Variants in PRTG observed in about 807,000 individuals in gnomAD.
The protein encoded by PRTG is protogenin, also known as immunoglobulin superfamily, DCC subclass, member 5.
Under a neutral mutation model 122.5 loss-of-function variants are expected in PRTG, and 67 were observed. That is an observed-to-expected ratio of 0.55 (90% CI 0.45 to 0.67). The LOEUF (loss-of-function observed/expected upper bound fraction) is 0.67, where lower values mean the gene tolerates loss of function less well. Among genes scored for constraint, PRTG ranks in the 30% least tolerant of loss-of-function variants. PRTG has a pLI of 0.00. For synonymous variants in PRTG, 554 were observed against 501.1 expected, an observed-to-expected ratio of 1.11 and a Z score of -1.41; for missense variants, 1,435 against 1,415.4, an observed-to-expected ratio of 1.01 and a Z score of -0.22.
rs1316059824 is a variant in PRTG, at chr15:55,614,600, A to C, written c.*5412T>G. On this transcript the variant is annotated 3_prime_UTR_variant, in exon 20 of 20. Coordinates refer to ENST00000389286, the MANE Select transcript of PRTG (RefSeq NM_173814.6). ...AGTTTTCAATTCTTTTTCTGAATAA[A>C]TTCCATAAAGTTAGACGCAAATATT... 2 of 152,136 alleles carry C rather than the reference A, an allele frequency of 1.3e-5. No individual in the cohort carries two copies. The highest frequency in any genetic ancestry group is 6.6e-5 in the Admixed American group (1 of 15,266). 9.4% of individuals were successfully genotyped at this position (152,136 alleles called of 1,614,324 possible).
chr15:55,644,364 T>TA (rs1352930184), intron 11 of PRTG, among the ~76,000 whole-genome samples: 1 of 152,186 alleles, frequency 6.6e-6, no homozygotes, highest in African/African-American at 2.4e-5. Flanking sequence ...GGTGGAGAGA[T>TA]AATCTTTTTT....
At chr15:55,678,443 A>G (rs1291445520) in intron 7 of PRTG, among the ~76,000 whole-genome samples, 3 of 152,168 alleles carry the variant, frequency 2.0e-5, no homozygotes, top group Non-Finnish European at 4.4e-5. Context: ...ACAAGGTCTC[A>G]CTGTGTTGCC....
chr15:55,673,463 T>C lies in PRTG; in HGVS notation c.1760A>G (p.Tyr587Cys), dbSNP rs961490937. 2.5e-6 allele frequency: 4 copies of C among 1,613,994 alleles called. No individual in the cohort carries two copies. In the African/African-American group the frequency reaches 4.0e-5, roughly 16 times the overall value. The change falls in exon 10 of 20, where the codon TAC becomes TGC. Residue 587 changes from tyrosine (Y) to cysteine (C), a missense_variant. Coordinates refer to ENST00000389286, the MANE Select transcript of PRTG (RefSeq NM_173814.6). Reference protein sequence around the residue: ...LLEGLKPDSVYLVRITAATRV... With the variant: ...LLEGLKPDSVCLVRITAATRV... Reference sequence around the variant, plus strand: ...GGTGGCAGCAGTAATCCGAACCAGGTAGACACTGTCAGGTTTCAGGCCTTC... The same window carrying C: ...GGTGGCAGCAGTAATCCGAACCAGGCAGACACTGTCAGGTTTCAGGCCTTC...
intron 2 of PRTG, among the ~76,000 whole-genome samples, chr15:55,719,876 T>C (rs1461980728): frequency 1.3e-5 from 2 of 151,736 alleles, no homozygotes; most frequent in Non-Finnish European, 2.9e-5. Flanking sequence ...CTGGCCAACA[T>C]GGTGAAATCC....
At chr15:55,685,938 T>C (rs960608239) in intron 2 of PRTG, among the ~76,000 whole-genome samples, 5 of 152,272 alleles carry the variant, frequency 3.3e-5, no homozygotes, top group Middle Eastern at 6.8e-3. Context: ...TTCACTAACA[T>C]TGAGCTACTT....
At chr15:55,682,743 A>G (rs2059547755) in intron 3 of PRTG, among the ~76,000 whole-genome samples, 1 of 151,844 alleles carries the variant, frequency 6.6e-6, no homozygotes, top group Admixed American at 6.6e-5. Context: ...CTGTATTTTT[A>G]GTAGAGATGG....
At chr15:55,738,701 G>A in intron 2 of PRTG, 1 of 406,062 alleles carries the variant, frequency 2.5e-6, no homozygotes, top group East Asian at 3.7e-5. Context: ...AATAATTATT[G>A]GCCAATGATT....
rs1016677832 is a variant in PRTG at position 55,743,004 on chromosome 15, C to A, written c.-73G>T. Reference sequence around the variant, plus strand: ...CCGTCTGCGGCCCCCGCCCCGGGCGCTCTCTGCTCTGCGGCTGGTCGCACG... The same window carrying A: ...CCGTCTGCGGCCCCCGCCCCGGGCGATCTCTGCTCTGCGGCTGGTCGCACG... On this transcript the variant is annotated 5_prime_UTR_variant, in exon 1 of 20. Transcript: ENST00000389286. 7.3e-7 allele frequency: 1 copy of A among 1,376,560 alleles called. No homozygotes were observed. The highest frequency in any genetic ancestry group is 9.3e-7 in the Non-Finnish European group (1 of 1,070,064). The allele number at this position is 1,376,560 out of a possible 1,614,324, so 85.3% of individuals were successfully genotyped here.
intron 7 of PRTG, among the ~76,000 whole-genome samples, chr15:55,678,714 T>C (rs1410833076): frequency 1.3e-5 from 2 of 152,216 alleles, no homozygotes; most frequent in Non-Finnish European, 1.5e-5. Context: ...AACAACTTAT[T>C]TTTTTAAATT....
At position 55,683,899 on chromosome 15, in the gene PRTG, T is replaced by A; in HGVS notation, c.430A>T (p.Thr144Ser). The A allele has an allele frequency of 6.2e-7, 1 of 1,613,850 alleles. No homozygotes were observed. Among genetic ancestry groups the A allele is most frequent in the South Asian group, 1.1e-5 (1 of 91,050 alleles). Residue 144 changes from threonine to serine, a missense_variant, in exon 3 of 20, where the codon ACT becomes TCT. Thr to Ser is a moderately conservative substitution (Grantham distance 58). Transcript: ENST00000389286. ...GCAACTCCACCTTCGTGGACCTCAG[T>A]GGAAATTGGCTGGACTTCAAATGCA... ...ISAFEVQPIS[T>S]EVHEGGVARF...
At chr15:55,629,371 ATATATGTGTGTGTG>A (rs1189563756) in intron 15 of PRTG, among the ~76,000 whole-genome samples, 54 of 35,554 alleles carry the variant, frequency 1.5e-3, no homozygotes, top group East Asian at 0.071. Context: ...ATATATATAT[ATATATGTGTGTGTG>A]TGTGTGTGTG....
chr15:55,706,975 G>A (rs1265052320), intron 2 of PRTG, among the ~76,000 whole-genome samples: 1 of 152,150 alleles, frequency 6.6e-6, no homozygotes, highest in Non-Finnish European at 1.5e-5. Flanking sequence ...ACTACCAAAT[G>A]CCAATCAGCA....
At position 55,621,528 on chromosome 15, in the gene PRTG, G is replaced by A. The variant is rs1201121478; in HGVS notation, c.3094-761C>T. On this transcript the variant is annotated intron_variant, in intron 18 of 19. Transcript: ENST00000389286. ...AAAAAAATTAGCTGGGCATGGTAGC[G>A]TGCGCTTCTAGTTCCAGCTGCTGGG... 1.3e-4 allele frequency among the ~76,000 whole-genome samples: 19 copies of A among 151,926 alleles called. No individual in the cohort carries two copies. In the East Asian group the frequency reaches 2.1e-3, roughly 17 times the overall value.
Position 55,639,834 on chromosome 15 carries a change from G to C in PRTG, c.2138-6C>G, listed in dbSNP as rs1567079134. The C allele has an allele frequency of 1.9e-6, 3 of 1,612,698 alleles. No individual in the cohort carries two copies. The highest frequency in any genetic ancestry group is 2.5e-6 in the Non-Finnish European group (3 of 1,179,358). ...GACCATGCGATCACGAACAGCTATT[G>C]AGAAAAACAATGTTAATTTACGATA... On this transcript the variant is annotated splice_region_variant and splice_polypyrimidine_tract_variant and intron_variant, in intron 12 of 19. Coordinates refer to ENST00000389286, the MANE Select transcript of PRTG (RefSeq NM_173814.6).
At chr15:55,674,338 A>G (rs924213259) in intron 9 of PRTG, among the ~76,000 whole-genome samples, 1 of 152,190 alleles carries the variant, frequency 6.6e-6, no homozygotes, top group African/African-American at 2.4e-5. Context: ...GTTTCTTCAG[A>G]CACAAAATGA....
At chr15:55,741,373 C>T (rs879700486) in intron 1 of PRTG, among the ~76,000 whole-genome samples, 10 of 152,186 alleles carry the variant, frequency 6.6e-5, no homozygotes, top group Non-Finnish European at 1.5e-4. Context: ...ACTTTTATTT[C>T]ACTTTTCTAG....
chr15:55,738,440 T>C (rs1217240903), intron 2 of PRTG: 3 of 700,514 alleles, frequency 4.3e-6, no homozygotes, highest in African/African-American at 3.5e-5. Flanking sequence ...TGTGTGGTCA[T>C]GACAAATGCT....
In PRTG at chr15:55,615,466, T is replaced by A. The variant is rs2059137930; in HGVS notation, c.*4546A>T. The stretch of plus-strand genomic sequence containing the variant: ...ATACACATTGCATTAGCCTGTGATC[T>A]TATGTCCTGAGCATAAATCAACTTA... On this transcript the variant is annotated 3_prime_UTR_variant, in exon 20 of 20. Coordinates refer to ENST00000389286, the MANE Select transcript of PRTG (RefSeq NM_173814.6). 2 of 152,154 alleles carry A rather than the reference T, an allele frequency of 1.3e-5. No homozygotes were observed. Among genetic ancestry groups the A allele is most frequent in the Admixed American group, 1.3e-4 (2 of 15,268 alleles). 9.4% of individuals were successfully genotyped at this position (152,154 alleles called of 1,614,324 possible). A position where few individuals can be genotyped will look rare whatever the true frequency, so the allele number is the denominator to read the frequency against.
At chr15:55,698,456 A>G (rs1361343365) in intron 2 of PRTG, among the ~76,000 whole-genome samples, 1 of 152,028 alleles carries the variant, frequency 6.6e-6, no homozygotes, top group African/African-American at 2.4e-5. Context: ...ACACCTGGCT[A>G]ATTTTTGTGT....
Sources: allele counts gnomAD v4.1 joint callset (sites outside exome capture counted in the v4.1 genomes callset), GRCh38; gene constraint gnomAD v4.1.1; transcripts MANE v1.5; gene names NCBI Gene and HGNC (gene_info 2026-07-23, HGNC 2026-07-21).